ITGBL1: variants seen among roughly 807,000 people sequenced by gnomAD.
ITGBL1 encodes integrin subunit beta like 1.
Under a neutral mutation model 68.5 loss-of-function variants are expected in ITGBL1, and 51 were observed. The observed-to-expected ratio is 0.74, with a 90% CI of 0.59 to 0.94. ITGBL1 has a LOEUF of 0.94. Ranked by LOEUF, ITGBL1 falls within the 40% of genes least tolerant of loss-of-function variation. The probability of loss-of-function intolerance (pLI) is 0.00; values close to 1 mark genes in which losing one functional copy is unlikely to be tolerated. For missense variants in ITGBL1, 649 were observed against 647.4 expected (o/e 1.00, Z -0.03); for synonymous variants, 209 against 227.3 (o/e 0.92, Z 0.72).
intron 7 of ITGBL1, among the ~76,000 whole-genome samples, chr13:101,677,592 A>G (rs564333139): frequency 1.3e-5 from 2 of 152,280 alleles, no homozygotes; most frequent in Middle Eastern, 3.4e-3. Context: ...CAAACGACCA[A>G]CCTTTATGAA....
intron 2 of ITGBL1, among the ~76,000 whole-genome samples, chr13:101,495,432 G>C (rs1327787673): frequency 1.3e-5 from 2 of 152,080 alleles, no homozygotes; most frequent in African/African-American, 4.8e-5. Flanking sequence ...TCCCTTCCTA[G>C]AGTCCTCTCA....
intron 7 of ITGBL1, among the ~76,000 whole-genome samples, chr13:101,636,472 A>G (rs888709498): frequency 3.3e-5 from 5 of 152,158 alleles, no homozygotes; most frequent in African/African-American, 1.2e-4. Context: ...TAAAATCTCC[A>G]TATTTGTTTA....
At chr13:101,487,828 T>G (rs959851186) in intron 2 of ITGBL1, among the ~76,000 whole-genome samples, 1 of 152,206 alleles carries the variant, frequency 6.6e-6, no homozygotes, top group African/African-American at 2.4e-5. Context: ...CTTGTAGGTT[T>G]TATTTCCTTA....
intron 9 of ITGBL1, among the ~76,000 whole-genome samples, chr13:101,710,395 C>T (rs565166802): frequency 1.2e-4 from 19 of 152,166 alleles, no homozygotes; most frequent in Middle Eastern, 6.8e-3. Context: ...CTATGATAGG[C>T]GCAGAGGATA....
chr13:101,571,315 C>G (rs1314489117), intron 3 of ITGBL1, among the ~76,000 whole-genome samples: 2 of 152,110 alleles, frequency 1.3e-5, no homozygotes, highest in South Asian at 2.1e-4. Flanking sequence ...CTCCACTTCC[C>G]CCCACTCACT....
At chr13:101,531,330 T>C (rs1335157712) in intron 2 of ITGBL1, among the ~76,000 whole-genome samples, 1 of 152,232 alleles carries the variant, frequency 6.6e-6, no homozygotes, top group Non-Finnish European at 1.5e-5. Context: ...AACTTAGCTG[T>C]AACTTAAAGT....
At chr13:101,481,639 G>A (rs550069353) in intron 2 of ITGBL1, among the ~76,000 whole-genome samples, 151 of 150,458 alleles carry the variant, frequency 1.0e-3, no homozygotes, top group African/African-American at 3.5e-3. Flanking sequence ...GAACACCCAC[G>A]CCCATCATGC....
intron 7 of ITGBL1, among the ~76,000 whole-genome samples, chr13:101,632,468 G>A (rs2032019289): frequency 6.6e-6 from 1 of 152,164 alleles, no homozygotes; most frequent in African/African-American, 2.4e-5. Flanking sequence ...AGTATAAAAT[G>A]GAACACCTGC....
At chr13:101,546,174 TATTTA>T (rs2049820430) in intron 2 of ITGBL1, among the ~76,000 whole-genome samples, 3 of 152,206 alleles carry the variant, frequency 2.0e-5, no homozygotes, top group Admixed American at 2.0e-4. Flanking sequence ...GTCACATGCA[TATTTA>T]ATTCAATAAA....
chr13:101,575,349 G>A, intron 3 of ITGBL1, 75 bp from the exon 4 acceptor site: 1 of 1,351,794 alleles, frequency 7.4e-7, no homozygotes, highest in Non-Finnish European at 1.0e-6. Context: ...TCTCTTGAGA[G>A]AGATGGTATA....
At chr13:101,489,870 G>C in intron 2 of ITGBL1, 1 of 794,142 alleles carries the variant, frequency 1.3e-6, no homozygotes, top group Non-Finnish European at 2.0e-6. Context: ...GTGAAAAATA[G>C]AAACCAGTGA....
intron 2 of ITGBL1, among the ~76,000 whole-genome samples, chr13:101,494,507 C>A (rs2048827112): frequency 6.6e-6 from 1 of 152,182 alleles, no homozygotes; most frequent in African/African-American, 2.4e-5. Flanking sequence ...GCTTCATACG[C>A]ACTTTCTCAC....
intron 2 of ITGBL1, among the ~76,000 whole-genome samples, chr13:101,525,512 AAC>A (rs1429732733): frequency 1.6e-5 from 2 of 127,180 alleles, no homozygotes; most frequent in Non-Finnish European, 3.2e-5. Context: ...ACTCTGCAGA[AAC>A]ACAGGCACCT....
At position 101,714,942 on chromosome 13, in the gene ITGBL1, G is replaced by A. The variant is rs942056054; in HGVS notation, c.1393+391G>A. On this transcript the variant is annotated intron_variant, in intron 10 of 10. Transcript: ENST00000376180. ...CTGGGTACCACTAGTTGATGTGTTG[G>A]TTGCTTTTAGGGAACTGGATGTGTG... is the stretch of plus-strand genomic sequence containing the variant. 2.0e-5 allele frequency: 4 copies of A among 196,032 alleles called. No individual in the cohort carries two copies. In the Admixed American group the frequency reaches 2.2e-4, roughly 11 times the overall value. The allele number at this position is 196,032 out of a possible 1,614,324, so 12.1% of individuals were successfully genotyped here.
At chr13:101,455,093 G>A (rs904732251) in intron 2 of ITGBL1, among the ~76,000 whole-genome samples, 2 of 152,162 alleles carry the variant, frequency 1.3e-5, no homozygotes, top group Non-Finnish European at 2.9e-5. Flanking sequence ...ACAACACAAT[G>A]CATTCCAGCC....
At chr13:101,634,794 A>G (rs1324938246) in intron 7 of ITGBL1, among the ~76,000 whole-genome samples, 1 of 152,080 alleles carries the variant, frequency 6.6e-6, no homozygotes, top group Non-Finnish European at 1.5e-5. Flanking sequence ...GAAAATGATA[A>G]AAGAAGAGTG....
chr13:101,486,335 G>A (rs145837240), intron 2 of ITGBL1, among the ~76,000 whole-genome samples: 1 of 152,260 alleles, frequency 6.6e-6, no homozygotes, highest in Admixed American at 6.5e-5. Context: ...TGGGGACTTG[G>A]GAGAGGGAAG....
At chr13:101,635,856 T>C (rs2032154994) in intron 7 of ITGBL1, among the ~76,000 whole-genome samples, 1 of 152,092 alleles carries the variant, frequency 6.6e-6, no homozygotes, top group African/African-American at 2.4e-5. Flanking sequence ...CAAAATTGCA[T>C]CCACCATTTA....
intron 2 of ITGBL1, among the ~76,000 whole-genome samples, chr13:101,515,075 C>G (rs1007719467): frequency 2.0e-5 from 3 of 151,922 alleles, no homozygotes; most frequent in Non-Finnish European, 4.4e-5. Context: ...TACAATGAAC[C>G]AATTTGGGAT....
Sources: gnomAD v4.1 joint callset for allele counts (sites outside exome capture counted in the v4.1 genomes callset) on GRCh38, gnomAD v4.1.1 for gene constraint, MANE v1.5 for transcripts, NCBI Gene and HGNC (gene_info 2026-07-23, HGNC 2026-07-21) for gene names.